MYL5: variants seen among roughly 807,000 people sequenced by gnomAD.
The protein encoded by MYL5 is myosin light chain 5.
Under a neutral mutation model 20.8 loss-of-function variants are expected in MYL5, and 28 were observed. The observed-to-expected ratio is 1.35, with a 90% confidence interval of 1.00 to 1.84. MYL5 has a LOEUF of 1.84. Among genes scored for constraint, MYL5 ranks in the 40% most tolerant of loss-of-function variants. The pLI is 0.00. For synonymous variants in MYL5, 118 were observed against 87.4 expected (o/e 1.35, Z -1.95); for missense variants, 274 against 227.3 (o/e 1.21, Z -1.32).
At chr4:677,408 G>A (rs925053547), upstream of MYL5, among the ~76,000 whole-genome samples, 2 of 152,200 alleles carry the variant, frequency 1.3e-5, no homozygotes, top group Admixed American at 6.5e-5. Context: ...CAGCCCATCT[G>A]AGCAACGTGG....
chr4:679,659 C>T (rs1739243369), intron 3 of MYL5, among the ~76,000 whole-genome samples: 2 of 152,208 alleles, frequency 1.3e-5, no homozygotes, highest in East Asian at 1.9e-4. Flanking sequence ...TTAAGAACAG[C>T]AGATCCCAGC....
At chr4:677,088 C>T (rs1370585533), upstream of MYL5, among the ~76,000 whole-genome samples, 1 of 152,228 alleles carries the variant, frequency 6.6e-6, no homozygotes, top group Admixed American at 6.5e-5. Context: ...GTCACTCCCA[C>T]CACTGCCCCT....
chr4:679,275 G>GACAGCCCAAGCCTGGA, intron 3 of MYL5: 1 of 400,046 alleles, frequency 2.5e-6, no homozygotes, highest in South Asian at 2.8e-5. Flanking sequence ...CTCAGAGTGG[G>GACAGCCCAAGCCTGGA]CTTTGAGGCA....
chr4:678,076 C>A (rs201842021), intron 1 of MYL5, 47 bp downstream of exon 3: 859 of 1,609,200 alleles, frequency 5.3e-4, no homozygotes, highest in Non-Finnish European at 7.0e-4. Context: ...TGGGTGTGAG[C>A]TGTGCTGTGC....
At chr4:680,962 C>A in intron 5 of MYL5, 130 bp from the exon 8 acceptor site, 1 of 1,058,544 alleles carries the variant, frequency 9.4e-7, no homozygotes, top group Non-Finnish European at 1.4e-6. Context: ...GCCCCAGGGC[C>A]ACACTCCAGC....
chr4:680,529 A>G (rs770723439), exon 5 of MYL5: 1 of 1,613,496 alleles, frequency 6.2e-7, no homozygotes, highest in Non-Finnish European at 8.5e-7. Flanking sequence ...CGAGGAGACC[A>G]TTCTTAACGC....
intron 2 of MYL5, 32 bp from the exon 5 acceptor site, chr4:678,926 G>T: frequency 6.2e-7 from 1 of 1,612,730 alleles, no homozygotes; most frequent in Non-Finnish European, 8.5e-7. Flanking sequence ...CAGCCGGGTT[G>T]GCAGCACAGC....
At chr4:678,897 CA>C in intron 2 of MYL5, 60 bp from the exon 5 acceptor site, 3 of 1,608,430 alleles carry the variant, frequency 1.9e-6, no homozygotes, top group Non-Finnish European at 2.6e-6. Context: ...GAACCGGGAG[CA>C]GGGGGCGGGG....
intron 1 of MYL5, chr4:678,244 G>C: frequency 6.8e-7 from 1 of 1,477,872 alleles, no homozygotes. Flanking sequence ...TGGGAAGTAC[G>C]TGCCTCACGT....
rs751058346 is a variant in MYL5, at chr4:681,988, GGAGT to G, written c.520_*1del. The G allele has an allele frequency of 2.2e-5, 31 of 1,410,266 alleles. No homozygotes were observed. The Admixed American group carries it at 5.9e-4, about 27-fold the overall frequency. The allele number at this position is 1,410,266 out of a possible 1,614,324, so 87.4% of individuals were successfully genotyped here. ...TGATCACCCACGGGGAGGAGAAGGAGGAGTGAGACCCAGCCGGGTCAATAAACCT... is the reference window on the plus strand; with the variant it reads ...TGATCACCCACGGGGAGGAGAAGGAGGAGACCCAGCCGGGTCAATAAACCT... On this transcript the variant is annotated frameshift_variant and stop_lost, in exon 7 of 7. Transcript: ENST00000400159. LOFTEE classifies it high-confidence loss of function.
Position 678,274 on chromosome 4 carries a change from C to T in MYL5, c.3+245C>T, listed in dbSNP as rs894795382. 3.6e-5 allele frequency: 53 copies of T among 1,456,888 alleles called. 1 individual carries two copies. The highest frequency in any genetic ancestry group is 2.7e-4 in the African/African-American group (19 of 71,118). The allele number at this position is 1,456,888 out of a possible 1,614,324, so 90.2% of individuals were successfully genotyped here. On this transcript the variant is annotated intron_variant, in intron 1 of 6. Coordinates refer to ENST00000400159, the Ensembl canonical transcript of MYL5. ...TCACGTTGCTCTCCTGGTGAGAGTCCGGAGCAGGATGAGGGGGTTCCTGGC... is the reference window on the plus strand; with the variant it reads ...TCACGTTGCTCTCCTGGTGAGAGTCTGGAGCAGGATGAGGGGGTTCCTGGC...
chr4:679,840 G>A, intron 3 of MYL5, 74 bp from the exon 6 acceptor site: 1 of 1,340,340 alleles, frequency 7.5e-7, no homozygotes, highest in South Asian at 1.2e-5. Context: ...GCCTGGCCCT[G>A]TGCTGGGGTC....
exon 4 of MYL5, chr4:679,939 G>C (rs963418013): frequency 6.2e-7 from 1 of 1,613,798 alleles, no homozygotes; most frequent in Admixed American, 1.7e-5. Context: ...AGGACGACGA[G>C]CTGGACGCCA....
At position 682,004 on chromosome 4, in the gene MYL5, G is replaced by A. The variant is rs200078959; in HGVS notation, c.*10G>A. 5.6e-6 allele frequency: 8 copies of A among 1,421,930 alleles called. No individual in the cohort carries two copies. The highest frequency in any genetic ancestry group is 3.0e-5 in the African/African-American group (2 of 67,530). The allele number at this position is 1,421,930 out of a possible 1,614,324, so 88.1% of individuals were successfully genotyped here. ...GGAGAAGGAGGAGTGAGACCCAGCC[G>A]GGTCAATAAACCTGGACGCTTGGAC... On this transcript the variant is annotated 3_prime_UTR_variant, in exon 7 of 7. Transcript: ENST00000400159.
chr4:678,641 T>C lies in MYL5; in HGVS notation c.4-17T>C. On this transcript the variant is annotated splice_polypyrimidine_tract_variant and intron_variant, in intron 1 of 6. Transcript: ENST00000400159. Reference sequence around the variant, plus strand: ...TCAGCCAGCCCAGGACCCTCAGCCATGGTGCTCCCACCGCAGGCCAGCAGG... The same window carrying C: ...TCAGCCAGCCCAGGACCCTCAGCCACGGTGCTCCCACCGCAGGCCAGCAGG... The C allele has an allele frequency of 6.3e-7, 1 of 1,594,882 alleles. No homozygotes were observed. Among genetic ancestry groups the C allele is most frequent in the Non-Finnish European group, 8.5e-7 (1 of 1,171,442 alleles).
chr4:679,218 G>T, intron 3 of MYL5, 185 bp downstream of exon 5: 1 of 714,590 alleles, frequency 1.4e-6, no homozygotes. Flanking sequence ...CTGGCAGAGA[G>T]CATCCCAGGG....
intron 1 of MYL5, 45 bp downstream of exon 3, chr4:678,074 A>G (rs1739027635): frequency 6.2e-7 from 1 of 1,610,230 alleles, no homozygotes; most frequent in African/African-American, 1.3e-5. Context: ...TGTGGGTGTG[A>G]GCTGTGCTGT....
At chr4:679,575 G>A (rs1560154054) in intron 3 of MYL5, among the ~76,000 whole-genome samples, 1 of 152,170 alleles carries the variant, frequency 6.6e-6, no homozygotes, top group Non-Finnish European at 1.5e-5. Flanking sequence ...CCTGGGAGCT[G>A]GGGAGTGATT....
chr4:679,077 AAC>A, intron 3 of MYL5, 44 bp downstream of exon 5: 2 of 1,491,430 alleles, frequency 1.3e-6, no homozygotes, highest in Non-Finnish European at 1.8e-6. Context: ...GGAGGAGGCG[AAC>A]ACAGAGGTCC....
Sources: gnomAD v4.1 joint callset for allele counts (sites outside exome capture counted in the v4.1 genomes callset) on GRCh38, gnomAD v4.1.1 for gene constraint, MANE v1.5 for transcripts, NCBI Gene and HGNC (gene_info 2026-07-23, HGNC 2026-07-21) for gene names.